Variants in PIK3R6 observed in about 807,000 individuals in gnomAD.
PIK3R6 encodes the protein phosphoinositide 3-kinase regulatory subunit 6.
In PIK3R6, 91 loss-of-function variants were observed where a neutral mutation model predicts 84.9. The ratio of observed to expected loss-of-function variants is 1.07; its 90% CI spans 0.90 to 1.28. The LOEUF is 1.28. Among genes scored for constraint, PIK3R6 ranks in the 50% most tolerant of loss-of-function variants. The pLI is 0.00. For missense variants in PIK3R6, 996 were observed against 985.1 expected, an observed-to-expected ratio of 1.01 and a Z score of -0.15; for synonymous variants, 416 against 411.4, an observed-to-expected ratio of 1.01 and a Z score of -0.13.
intron 2 of PIK3R6, among the ~76,000 whole-genome samples, chr17:8,848,860 CA>C (rs1221836134): frequency 6.6e-6 from 1 of 152,138 alleles, no homozygotes; most frequent in Non-Finnish European, 1.5e-5. Context: ...GGATGGATGT[CA>C]AAAGAATTTA....
At chr17:8,813,974 CCA>C (rs2087443718) in intron 18 of PIK3R6, among the ~76,000 whole-genome samples, 1 of 152,152 alleles carries the variant, frequency 6.6e-6, no homozygotes. Context: ...TATCCCAGCT[CCA>C]GAGTGACAGG....
Position 8,818,763 on chromosome 17 carries a change from T to C in PIK3R6, c.1995+320A>G, listed in dbSNP as rs569773184. On this transcript the variant is annotated intron_variant, in intron 18 of 19. Coordinates refer to ENST00000619866, the MANE Select transcript of PIK3R6 (RefSeq NM_001010855.4). ...GGCTGTTGTTGTTTAGGAGTCTGGC[T>C]GTGGTGTGGTGGCTGGGATGACTGG... Among the ~76,000 whole-genome samples the C allele has an allele frequency of 3.2e-4, 49 of 152,350 alleles. 1 individual carries two copies. In the South Asian group the frequency reaches 0.01, roughly 32 times the overall value.
In PIK3R6 at chr17:8,839,480, A is replaced by G; in HGVS notation, c.97+134T>C. 1 of 608,072 alleles carries G rather than the reference A, an allele frequency of 1.6e-6. No homozygotes were observed. The highest frequency in any genetic ancestry group is 3.3e-5 in the East Asian group (1 of 30,622). The allele number at this position is 608,072 out of a possible 1,614,324, so 37.7% of individuals were successfully genotyped here. On this transcript the variant is annotated intron_variant, in intron 3 of 19. Transcript: ENST00000619866. This position sits in a 1 kb window ranked among gnomAD's most constrained non-coding sequence, Gnocchi z 4.2. ...CCTTCAGGCTCTAGGTATTTCCAGC[A>G]GGAAAGGGGTTTGGTGAGACGACCC...
chr17:8,821,862 T>C lies in PIK3R6; in HGVS notation c.1863A>G (p.Pro621=). Residue 621 remains proline, a synonymous_variant, in exon 17 of 20, where the codon CCA becomes CCG. Transcript: ENST00000619866. ...RATGLILKAI[P]ASDTEVSGSS... ...ATTCCTCACCTTCTGTGTCGCTGGC[T>C]GGAATGGCCTTCAGGATCAGCCCAG... The C allele has an allele frequency of 1.3e-6, 2 of 1,596,506 alleles. No individual in the cohort carries two copies. Among genetic ancestry groups the C allele is most frequent in the Non-Finnish European group, 1.7e-6 (2 of 1,171,320 alleles).
In PIK3R6 at chr17:8,803,993, T is replaced by C; in HGVS notation, c.2108+48A>G. The C allele has an allele frequency of 3.3e-6, 5 of 1,517,150 alleles. No individual in the cohort carries two copies. Among genetic ancestry groups the C allele is most frequent in the Non-Finnish European group, 4.6e-6 (5 of 1,095,410 alleles). The allele number at this position is 1,517,150 out of a possible 1,614,324, so 94.0% of individuals were successfully genotyped here. A position where few individuals can be genotyped will look rare whatever the true frequency, so the allele number is the denominator to read the frequency against. On this transcript the variant is annotated intron_variant, in intron 19 of 19. Coordinates refer to ENST00000619866, the MANE Select transcript of PIK3R6 (RefSeq NM_001010855.4). This position sits in a 1 kb window ranked among gnomAD's most constrained non-coding sequence, Gnocchi z 5.0. Reference sequence around the variant, plus strand: ...TGGCAGGAGCTGGCTCCTGCTTCAGTTTGTCCCACGGGCCCTGGACATCTA... The same window carrying C: ...TGGCAGGAGCTGGCTCCTGCTTCAGCTTGTCCCACGGGCCCTGGACATCTA...
chr17:8,828,014 C>T, intron 12 of PIK3R6, 98 bp downstream of exon 12: 3 of 1,282,726 alleles, frequency 2.3e-6, no homozygotes, highest in Non-Finnish European at 3.3e-6. Context: ...TTACTCTAGT[C>T]CCTGAGCCGG....
At chr17:8,819,565 C>T (rs1022731008) in intron 17 of PIK3R6, among the ~76,000 whole-genome samples, 1 of 151,560 alleles carries the variant, frequency 6.6e-6, no homozygotes, top group African/African-American at 2.4e-5. Flanking sequence ...GAAGCACCTG[C>T]CCAGGGATGT....
At chr17:8,817,763 G>T (rs1396347338) in intron 18 of PIK3R6, among the ~76,000 whole-genome samples, 1 of 152,234 alleles carries the variant, frequency 6.6e-6, no homozygotes, top group Non-Finnish European at 1.5e-5. Flanking sequence ...AGCAGGACAT[G>T]TGTAACCAGG....
chr17:8,831,700 C>A (rs943450311), intron 9 of PIK3R6, among the ~76,000 whole-genome samples: 2 of 152,186 alleles, frequency 1.3e-5, no homozygotes, highest in East Asian at 3.8e-4. Flanking sequence ...TAACCTCTTC[C>A]GGTGGATTCC....
chr17:8,849,992 G>A (rs944875619), intron 1 of PIK3R6, 107 bp from the exon 2 acceptor site: 1 of 577,006 alleles, frequency 1.7e-6, no homozygotes, highest in Non-Finnish European at 2.9e-6. Flanking sequence ...CACACTGGGG[G>A]GAAGTCTAGA....
At chr17:8,866,761 T>C (rs2089423185) in intron 1 of PIK3R6, among the ~76,000 whole-genome samples, 1 of 152,082 alleles carries the variant, frequency 6.6e-6, no homozygotes, top group Non-Finnish European at 1.5e-5. Context: ...GCCCGCACCC[T>C]GCAGTCTCTT....
At chr17:8,826,108 A>AT in intron 13 of PIK3R6, among the ~76,000 whole-genome samples, 1 of 152,224 alleles carries the variant, frequency 6.6e-6, no homozygotes, top group East Asian at 1.9e-4. Context: ...AAGATACTTA[A>AT]TCTCTTTGTG....
intron 16 of PIK3R6, 83 bp from the exon 17 acceptor site, chr17:8,822,019 C>G: frequency 2.7e-6 from 3 of 1,110,088 alleles, no homozygotes; most frequent in Non-Finnish European, 3.9e-6. Context: ...AGTCTTGCCT[C>G]TCTCCCCTGT....
At chr17:8,864,221 AG>A (rs2089349191) in intron 1 of PIK3R6, among the ~76,000 whole-genome samples, 1 of 152,156 alleles carries the variant, frequency 6.6e-6, no homozygotes, top group Admixed American at 6.6e-5. Context: ...AAAGTTGGGC[AG>A]GTTTGTTTGC....
At chr17:8,849,739 C>T (rs574879025) in intron 2 of PIK3R6, 43 bp downstream of exon 2, 45 of 1,589,732 alleles carry the variant, frequency 2.8e-5, no homozygotes, top group African/African-American at 6.7e-5. Context: ...CTTCCCCACT[C>T]GGCAGCAGGC....
At chr17:8,837,062 T>G (rs1188292559) in intron 5 of PIK3R6, 139 bp from the exon 6 acceptor site, 1 of 666,500 alleles carries the variant, frequency 1.5e-6, no homozygotes, top group African/African-American at 1.8e-5. Context: ...CAGCCAGACC[T>G]GGGCTCACAG....
In PIK3R6 at chr17:8,823,042, G is replaced by A; in HGVS notation, c.1671C>T (p.Phe557=). 1.2e-6 allele frequency: 2 copies of A among 1,610,968 alleles called. No individual in the cohort carries two copies. Among genetic ancestry groups the A allele is most frequent in the South Asian group, 2.2e-5 (2 of 91,012 alleles). The change falls in exon 15 of 20, where the codon TTC becomes TTT. Residue 557 remains phenylalanine, a synonymous_variant. Coordinates refer to ENST00000619866, the MANE Select transcript of PIK3R6 (RefSeq NM_001010855.4). ...DLSQDPTEDI[F]LIELKVKIQD... ...GGATCTTCACCTTCAGTTCAATGAG[G>A]AAAATGTCCTCAGTAGGGTCTTGGC...
At chr17:8,854,054 A>C (rs2089058044) in intron 1 of PIK3R6, among the ~76,000 whole-genome samples, 1 of 152,054 alleles carries the variant, frequency 6.6e-6, no homozygotes, top group South Asian at 2.1e-4. Context: ...TTTTGTAGAT[A>C]CATATAAGTC....
intron 18 of PIK3R6, among the ~76,000 whole-genome samples, chr17:8,815,201 A>G (rs765105142): frequency 4.5e-4 from 69 of 152,182 alleles, no homozygotes; most frequent in Admixed American, 1.6e-3. Context: ...GAAAACAAAC[A>G]TGTATTTTTA....
Sources: allele counts gnomAD v4.1 joint callset (sites outside exome capture counted in the v4.1 genomes callset), GRCh38; gene constraint gnomAD v4.1.1; non-coding constraint Gnocchi (gnomAD v3.1); transcripts MANE v1.5; gene names NCBI Gene and HGNC (gene_info 2026-07-23, HGNC 2026-07-21).